PRKCA: variants seen among roughly 807,000 people sequenced by gnomAD.
PRKCA encodes protein kinase C alpha.
Under a neutral mutation model 87.0 loss-of-function variants are expected in PRKCA, and 27 were observed. The ratio of observed to expected loss-of-function variants is 0.31; its 90% CI spans 0.23 to 0.43. PRKCA has a LOEUF of 0.43. PRKCA is among the 20% of genes least tolerant of loss of function. The pLI, the probability that PRKCA is intolerant of heterozygous loss-of-function variation, is 1.00. For synonymous variants in PRKCA, 329 were observed against 311.1 expected (o/e 1.06, Z -0.61); for missense variants, 518 against 852.3 (o/e 0.61, Z 4.88).
intron 1 of PRKCA, 134 bp downstream of exon 1, chr17:66,303,158 C>T: frequency 1.6e-6 from 2 of 1,242,744 alleles, no homozygotes; most frequent in African/African-American, 3.2e-5. Flanking sequence ...AACTCTTCGC[C>T]CGGAGTGACA....
chr17:66,413,470 T>C (rs893354372), intron 2 of PRKCA, among the ~76,000 whole-genome samples: 1 of 152,082 alleles, frequency 6.6e-6, no homozygotes, highest in Non-Finnish European at 1.5e-5. Context: ...CCGCAGCCTC[T>C]CTCCCTTCCC....
Position 66,722,003 on chromosome 17 carries a change from C to T in PRKCA, c.919-10685C>T, listed in dbSNP as rs182598923. 5.5e-4 allele frequency among the ~76,000 whole-genome samples: 84 copies of T among 152,188 alleles called. 1 individual carries two copies. The highest frequency in any genetic ancestry group is 3.4e-3 in the Middle Eastern group (1 of 294). On this transcript the variant is annotated intron_variant, in intron 8 of 16. Coordinates refer to ENST00000413366, the MANE Select transcript of PRKCA (RefSeq NM_002737.3). ...TTCTATGATGATGAGATGGACCCACCGGGAGCCCTGGAGTAATGGTTCAGT... is the reference window on the plus strand; with the variant it reads ...TTCTATGATGATGAGATGGACCCACTGGGAGCCCTGGAGTAATGGTTCAGT...
At chr17:66,490,316 G>A (rs947121075) in intron 2 of PRKCA, among the ~76,000 whole-genome samples, 4 of 151,248 alleles carry the variant, frequency 2.6e-5, no homozygotes, top group African/African-American at 9.7e-5. Context: ...AGTGTTAGAC[G>A]ACCATCACTA....
rs1010367337 is a variant in PRKCA, at chr17:66,777,945, G to A, written c.1605+3878G>A. On this transcript the variant is annotated intron_variant, in intron 14 of 16. Coordinates refer to ENST00000413366, the MANE Select transcript of PRKCA (RefSeq NM_002737.3). ...CTCATTCACTAGGGGAGAACTCAGG[G>A]AATGCTTTCTTCTGGCAGAGAAGTC... 12 of 985,368 alleles carry A rather than the reference G, an allele frequency of 1.2e-5. No individual in the cohort carries two copies. In the South Asian group the frequency reaches 5.2e-4, roughly 42 times the overall value. 61.0% of individuals were successfully genotyped at this position (985,368 alleles called of 1,614,324 possible).
intron 8 of PRKCA, among the ~76,000 whole-genome samples, chr17:66,732,359 A>G (rs1412798286): frequency 6.6e-6 from 1 of 152,206 alleles, no homozygotes; most frequent in Non-Finnish European, 1.5e-5. Context: ...ATGGACCCGA[A>G]GCACTGTTTT....
At chr17:66,771,599 T>G (rs1413272900) in intron 13 of PRKCA, among the ~76,000 whole-genome samples, 1 of 152,190 alleles carries the variant, frequency 6.6e-6, no homozygotes, top group Non-Finnish European at 1.5e-5. Context: ...ATTTCTTTTT[T>G]TTTATTTTTT....
intron 16 of PRKCA, among the ~76,000 whole-genome samples, chr17:66,794,863 A>T (rs985329622): frequency 1.3e-5 from 2 of 152,114 alleles, no homozygotes; most frequent in Middle Eastern, 3.4e-3. Flanking sequence ...ACCTCAAGTG[A>T]TCTGACTGCC....
At chr17:66,407,986 G>A (rs1911520121) in intron 2 of PRKCA, among the ~76,000 whole-genome samples, 3 of 152,178 alleles carry the variant, frequency 2.0e-5, no homozygotes, top group African/African-American at 7.2e-5. Flanking sequence ...GGTTGGGTAA[G>A]GATTTGAGCA....
chr17:66,462,925 AACACACACACACACACACACACACAC>A (rs58085398), intron 2 of PRKCA, among the ~76,000 whole-genome samples: 5 of 147,548 alleles, frequency 3.4e-5, no homozygotes, highest in African/African-American at 7.4e-5. Context: ...CACACATGCA[AACACACACACACACACACACACACAC>A]ACACACACAC....
chr17:66,563,962 C>A (rs987089094), intron 3 of PRKCA, among the ~76,000 whole-genome samples: 1 of 64,326 alleles, frequency 1.6e-5, no homozygotes, highest in Non-Finnish European at 3.4e-5. Flanking sequence ...TTCCTTCCTT[C>A]CTTCCTTCCT....
chr17:66,771,928 T>C (rs562566776), intron 13 of PRKCA, among the ~76,000 whole-genome samples: 1 of 152,206 alleles, frequency 6.6e-6, no homozygotes, highest in Non-Finnish European at 1.5e-5. Flanking sequence ...ATTTTCTTCC[T>C]AATTGTTCTT....
chr17:66,535,584 G>C (rs1391386083), intron 3 of PRKCA, among the ~76,000 whole-genome samples: 3 of 152,138 alleles, frequency 2.0e-5, no homozygotes, highest in African/African-American at 7.2e-5. Context: ...ACCAGAGTAA[G>C]GGCACAAAAC....
At chr17:66,379,160 G>C (rs1279826634) in intron 2 of PRKCA, among the ~76,000 whole-genome samples, 1 of 152,008 alleles carries the variant, frequency 6.6e-6, no homozygotes, top group Non-Finnish European at 1.5e-5. Context: ...ATTCCTCTCG[G>C]GTATATACCT....
intron 3 of PRKCA, among the ~76,000 whole-genome samples, chr17:66,615,991 C>G (rs1209384363): frequency 1.3e-5 from 2 of 152,188 alleles, no homozygotes; most frequent in East Asian, 3.9e-4. Context: ...CAGCTTTGCT[C>G]AATGCCTTGC....
chr17:66,526,730 GA>G (rs1035625468), intron 3 of PRKCA, among the ~76,000 whole-genome samples: 1 of 151,676 alleles, frequency 6.6e-6, no homozygotes, highest in Non-Finnish European at 1.5e-5. Flanking sequence ...AAAGTCATAT[GA>G]AAAAAAAGGT....
At chr17:66,771,865 G>A (rs1032992730) in intron 13 of PRKCA, among the ~76,000 whole-genome samples, 9 of 152,128 alleles carry the variant, frequency 5.9e-5, no homozygotes, top group Non-Finnish European at 1.2e-4. Flanking sequence ...AAAGTGCTGG[G>A]ATTACAGGCA....
chr17:66,660,479 G>T (rs1415439176), intron 5 of PRKCA, among the ~76,000 whole-genome samples: 1 of 152,054 alleles, frequency 6.6e-6, no homozygotes, highest in Non-Finnish European at 1.5e-5. Context: ...ATGTTAGGGG[G>T]TGCTCCTGCC....
intron 3 of PRKCA, among the ~76,000 whole-genome samples, chr17:66,637,750 C>T (rs543157429): frequency 5.9e-4 from 90 of 152,206 alleles, no homozygotes; most frequent in African/African-American, 2.0e-3. Flanking sequence ...TTAGTGTGTC[C>T]GCCAACACAA....
At chr17:66,427,413 G>A (rs1912873384) in intron 2 of PRKCA, among the ~76,000 whole-genome samples, 1 of 152,238 alleles carries the variant, frequency 6.6e-6, no homozygotes, top group Non-Finnish European at 1.5e-5. Context: ...TGCAGTGGTG[G>A]AATTGAGTAG....
Sources: allele counts gnomAD v4.1 joint callset (sites outside exome capture counted in the v4.1 genomes callset), GRCh38; gene constraint gnomAD v4.1.1; transcripts MANE v1.5; gene names NCBI Gene and HGNC (gene_info 2026-07-23, HGNC 2026-07-21).